The following GUCY1A2 variants were observed in gnomAD, a reference collection of about 807,000 sequenced individuals.
The protein encoded by GUCY1A2 is guanylate cyclase 1 soluble subunit alpha 2, also known as guanylate cyclase soluble subunit alpha-2.
GUCY1A2 carries 27 observed loss-of-function variants against 63.5 expected under a neutral mutation model. That is an observed-to-expected ratio of 0.43 (90% CI 0.31 to 0.59). The LOEUF is 0.59. Among genes scored for constraint, GUCY1A2 ranks in the 20% least tolerant of loss-of-function variants. The pLI is 0.11. For synonymous variants in GUCY1A2, 364 were observed against 343.5 expected, an observed-to-expected ratio of 1.06 and a Z score of -0.66; for missense variants, 768 against 913.3, an observed-to-expected ratio of 0.84 and a Z score of 2.05.
intron 3 of GUCY1A2, among the ~76,000 whole-genome samples, chr11:106,978,178 T>C (rs1337256938): frequency 6.6e-6 from 1 of 152,100 alleles, no homozygotes; most frequent in Admixed American, 6.5e-5. Flanking sequence ...CCTGCTTCAC[T>C]GACAAGGCCA....
At chr11:106,766,466 A>C (rs187801375) in intron 6 of GUCY1A2, among the ~76,000 whole-genome samples, 1 of 152,238 alleles carries the variant, frequency 6.6e-6, no homozygotes, top group Admixed American at 6.5e-5. Context: ...AAAGATACAT[A>C]AAAATGTAAA....
At chr11:106,904,828 G>T (rs563380274) in intron 4 of GUCY1A2, among the ~76,000 whole-genome samples, 18 of 151,604 alleles carry the variant, frequency 1.2e-4, no homozygotes, top group Non-Finnish European at 2.4e-4. Flanking sequence ...AGGAAAAAAA[G>T]TATGATGCCA....
chr11:106,999,515 G>C (rs1861585597), intron 1 of GUCY1A2, among the ~76,000 whole-genome samples: 1 of 152,008 alleles, frequency 6.6e-6, no homozygotes, highest in Admixed American at 6.6e-5. Flanking sequence ...TAAGATTTGT[G>C]GATTTATAAT....
In GUCY1A2 at chr11:106,939,592, G is replaced by T. The variant is rs752752823; in HGVS notation, c.1074C>A (p.Leu358=). 19 of 1,613,570 alleles carry T rather than the reference G, an allele frequency of 1.2e-5. No homozygotes were observed. The highest frequency in any genetic ancestry group is 4.0e-5 in the African/African-American group (3 of 74,884). ...CAATCTCGAAGCAGTCCTCAAACTTGAGCACTTTGTGAGTGTCACATCGAA... is the reference window on the plus strand; with the variant it reads ...CAATCTCGAAGCAGTCCTCAAACTTTAGCACTTTGTGAGTGTCACATCGAA... ...KQLRCDTHKV[L]KFEDCFEIVS... is the part of the protein sequence containing the mutation. The change falls in exon 4 of 8, where the codon CTC becomes CTA. Residue 358 remains leucine (L), a synonymous_variant. Transcript: ENST00000526355.
chr11:106,942,179 T>C (rs1860760798), intron 3 of GUCY1A2, among the ~76,000 whole-genome samples: 1 of 152,224 alleles, frequency 6.6e-6, no homozygotes, highest in African/African-American at 2.4e-5. Flanking sequence ...CATACTGTTT[T>C]GTCCTTATCT....
At chr11:106,764,745 G>C (rs756242952) in intron 6 of GUCY1A2, among the ~76,000 whole-genome samples, 2 of 151,982 alleles carry the variant, frequency 1.3e-5, no homozygotes, top group Non-Finnish European at 2.9e-5. Flanking sequence ...AGTAACTCTT[G>C]TTATTAAGTA....
At chr11:106,819,288 A>C (rs1226418986) in intron 4 of GUCY1A2, among the ~76,000 whole-genome samples, 1 of 152,224 alleles carries the variant, frequency 6.6e-6, no homozygotes, top group Non-Finnish European at 1.5e-5. Flanking sequence ...AAATTAGTTG[A>C]TAAAGCAGCA....
intron 4 of GUCY1A2, among the ~76,000 whole-genome samples, chr11:106,814,322 G>A (rs866838448): frequency 3.3e-5 from 5 of 151,980 alleles, no homozygotes; most frequent in Middle Eastern, 3.2e-3. Context: ...GATATGTCCC[G>A]GGTGCTTCAA....
chr11:106,725,333 C>A lies in GUCY1A2; in HGVS notation c.1837-16667G>T, dbSNP rs1381547234. ...GACTACAGGCGCCCGCCACTACGCC[C>A]GGCTAATTTTTTGTATTTTTAGTAG... On this transcript the variant is annotated intron_variant, in intron 6 of 7. Coordinates refer to ENST00000526355, the MANE Select transcript of GUCY1A2 (RefSeq NM_000855.3). 1.8e-5 allele frequency among the ~76,000 whole-genome samples: 2 copies of A among 109,080 alleles called. 1 individual carries two copies. Among genetic ancestry groups the A allele is most frequent in the African/African-American group, 7.0e-5 (2 of 28,658 alleles). 71.6% of individuals were successfully genotyped at this position (109,080 alleles called of 152,430 possible).
At chr11:106,878,527 C>A (rs955058187) in intron 4 of GUCY1A2, among the ~76,000 whole-genome samples, 2 of 151,866 alleles carry the variant, frequency 1.3e-5, no homozygotes, top group African/African-American at 4.8e-5. Context: ...AATGCAGGAA[C>A]AGAAAATCAA....
At chr11:106,864,804 T>C (rs957938304) in intron 4 of GUCY1A2, among the ~76,000 whole-genome samples, 12 of 152,118 alleles carry the variant, frequency 7.9e-5, no homozygotes, top group Non-Finnish European at 1.5e-4. Flanking sequence ...AATGTGCTGC[T>C]GGATTCGGTT....
chr11:106,991,813 T>G (rs530559629), intron 1 of GUCY1A2, among the ~76,000 whole-genome samples: 2 of 152,188 alleles, frequency 1.3e-5, no homozygotes, highest in Non-Finnish European at 2.9e-5. Flanking sequence ...CCCACTCCCA[T>G]GCAAATAATT....
rs548952997 is a variant in GUCY1A2 at position 106,766,516 on chromosome 11, A to T, written c.1836+9923T>A. On this transcript the variant is annotated intron_variant, in intron 6 of 7. Coordinates refer to ENST00000526355, the MANE Select transcript of GUCY1A2 (RefSeq NM_000855.3). ...GGTTGGTAAATTATAGGTGATTTTA[A>T]CTATCTTCTGTAATACTAGTTTTCA... is the stretch of plus-strand genomic sequence containing the variant. 1.1e-3 allele frequency among the ~76,000 whole-genome samples: 167 copies of T among 152,038 alleles called. No individual in the cohort carries two copies. In the Middle Eastern group the frequency reaches 0.014, roughly 12 times the overall value.
intron 3 of GUCY1A2, among the ~76,000 whole-genome samples, chr11:106,949,103 G>C (rs1860870029): frequency 6.6e-6 from 1 of 152,054 alleles, no homozygotes; most frequent in Non-Finnish European, 1.5e-5. Flanking sequence ...TGTGTGTGTT[G>C]TGTGTAAGTT....
At chr11:106,990,290 T>C (rs1394995660) in intron 1 of GUCY1A2, among the ~76,000 whole-genome samples, 2 of 152,212 alleles carry the variant, frequency 1.3e-5, no homozygotes, top group Non-Finnish European at 2.9e-5. Flanking sequence ...AAAAGCCATC[T>C]TCATCTCTAG....
chr11:106,748,382 T>G (rs1468998660), intron 6 of GUCY1A2, among the ~76,000 whole-genome samples: 1 of 152,222 alleles, frequency 6.6e-6, no homozygotes, highest in Admixed American at 6.5e-5. Context: ...GCTGTGTATA[T>G]GTACACATAC....
At chr11:106,842,706 T>G (rs1320818603) in intron 4 of GUCY1A2, among the ~76,000 whole-genome samples, 1 of 151,758 alleles carries the variant, frequency 6.6e-6, no homozygotes, top group African/African-American at 2.4e-5. Flanking sequence ...CAGATCATAG[T>G]GGTGAGGAAA....
chr11:106,710,197 GTTATATA>G lies in GUCY1A2; in HGVS notation c.1837-1538_1837-1532del, dbSNP rs1391871659. ...AATATAGTTATATATATAATATATA[GTTATATA>G]TTATATACATGTATATAATATAGTT... is the stretch of plus-strand genomic sequence containing the variant. On this transcript the variant is annotated intron_variant, in intron 6 of 7. Transcript: ENST00000526355. 9.9e-5 allele frequency among the ~76,000 whole-genome samples: 4 copies of G among 40,384 alleles called. No individual in the cohort carries two copies. In the East Asian group the frequency reaches 2.8e-3, roughly 28 times the overall value. 26.5% of individuals were successfully genotyped at this position (40,384 alleles called of 152,430 possible).
chr11:106,911,673 T>C (rs1046940757), intron 4 of GUCY1A2, among the ~76,000 whole-genome samples: 4 of 152,070 alleles, frequency 2.6e-5, no homozygotes, highest in Admixed American at 1.3e-4. Context: ...ATATTTTTGT[T>C]CTACTATCAA....
Sources: allele counts gnomAD v4.1 joint callset (sites outside exome capture counted in the v4.1 genomes callset), GRCh38; gene constraint gnomAD v4.1.1; transcripts MANE v1.5; gene names NCBI Gene and HGNC (gene_info 2026-07-23, HGNC 2026-07-21).